Variants in RBFOX1 observed in about 807,000 individuals in gnomAD.
RBFOX1 encodes the protein RNA binding fox-1 homolog 1, also known as RNA binding protein fox-1 homolog 1.
A neutral mutation model predicts 57.7 loss-of-function variants in RBFOX1; 8 were observed. The observed-to-expected ratio is 0.14, with a 90% confidence interval of 0.08 to 0.25. The LOEUF (loss-of-function observed/expected upper bound fraction) is 0.25, where lower values mean the gene tolerates loss of function less well. Ranked by LOEUF, RBFOX1 falls within the 10% of genes least tolerant of loss-of-function variation. RBFOX1 has a pLI of 1.00. For missense variants in RBFOX1, 611 were observed against 548.5 expected, an observed-to-expected ratio of 1.11 and a Z score of -1.14; for synonymous variants, 326 against 222.4, an observed-to-expected ratio of 1.47 and a Z score of -4.15.
At chr16:6,767,299 A>G (rs567750515) in intron 3 of RBFOX1, among the ~76,000 whole-genome samples, 2 of 152,096 alleles carry the variant, frequency 1.3e-5, no homozygotes, top group South Asian at 4.2e-4. Flanking sequence ...AACACTTGTT[A>G]AAGCTGTTAG....
intron 3 of RBFOX1, among the ~76,000 whole-genome samples, chr16:6,780,042 TATTTAC>T (rs1354275375): frequency 2.6e-5 from 1 of 39,102 alleles, no homozygotes; most frequent in Non-Finnish European, 3.8e-5. Flanking sequence ...TATTTATATA[TATTTAC>T]ATATTTATAT....
intron 3 of RBFOX1, among the ~76,000 whole-genome samples, chr16:6,965,249 T>TA (rs2083867846): frequency 6.6e-6 from 1 of 152,208 alleles, no homozygotes; most frequent in Admixed American, 6.6e-5. Flanking sequence ...CATTTGGGTG[T>TA]AAAAAATGGA....
At chr16:7,047,879 A>G (rs899875628) in intron 3 of RBFOX1, among the ~76,000 whole-genome samples, 1 of 150,620 alleles carries the variant, frequency 6.6e-6, no homozygotes, top group Non-Finnish European at 1.5e-5. Context: ...TTCCGTTTTA[A>G]TTAATTAATT....
intron 2 of RBFOX1, among the ~76,000 whole-genome samples, chr16:6,519,468 A>G (rs1014299914): frequency 2.0e-5 from 3 of 152,138 alleles, no homozygotes; most frequent in Non-Finnish European, 4.4e-5. Context: ...TGGGAGGCCA[A>G]CTCAGGAAGA....
intron 3 of RBFOX1, among the ~76,000 whole-genome samples, chr16:5,684,136 C>G (rs1011204574): frequency 6.6e-6 from 1 of 152,144 alleles, no homozygotes; most frequent in Non-Finnish European, 1.5e-5. Context: ...GAGCTCTTGG[C>G]TCAAGCTAAG....
intron 3 of RBFOX1, among the ~76,000 whole-genome samples, chr16:6,783,436 G>A (rs866779863): frequency 9.6e-6 from 1 of 104,134 alleles, no homozygotes; most frequent in Non-Finnish European, 2.0e-5. Flanking sequence ...TTACCATGAA[G>A]CTTGCAAAAA....
chr16:6,220,990 A>T (rs989810095), intron 1 of RBFOX1, among the ~76,000 whole-genome samples: 1 of 151,720 alleles, frequency 6.6e-6, no homozygotes, highest in Non-Finnish European at 1.5e-5. Context: ...GTGTGTGTGT[A>T]GCTATATAAC....
intron 3 of RBFOX1, among the ~76,000 whole-genome samples, chr16:5,648,977 T>G (rs897497636): frequency 6.6e-6 from 1 of 151,720 alleles, no homozygotes; most frequent in Non-Finnish European, 1.5e-5. Flanking sequence ...AGCTTGAGAA[T>G]CACTTGAACC....
At chr16:6,588,836 G>T (rs766141155) in intron 2 of RBFOX1, among the ~76,000 whole-genome samples, 1 of 152,104 alleles carries the variant, frequency 6.6e-6, no homozygotes, top group South Asian at 2.1e-4. Flanking sequence ...AGGCCATGCT[G>T]TCTCACTGCC....
chr16:6,537,484 G>T (rs1332419183), intron 2 of RBFOX1, among the ~76,000 whole-genome samples: 1 of 152,182 alleles, frequency 6.6e-6, no homozygotes, highest in South Asian at 2.1e-4. Flanking sequence ...CCATGACAGA[G>T]TTGAGGGGCT....
At chr16:6,296,881 A>G (rs2344668) in intron 1 of RBFOX1, among the ~76,000 whole-genome samples, 144,978 of 152,232 alleles carry the variant, frequency 0.95, 69,465 homozygotes, top group East Asian at 1. Flanking sequence ...AGAATTCAGG[A>G]TGAGTCTGCA....
At chr16:6,324,338 T>C (rs1567938490) in intron 2 of RBFOX1, among the ~76,000 whole-genome samples, 1 of 152,166 alleles carries the variant, frequency 6.6e-6, no homozygotes, top group Non-Finnish European at 1.5e-5. Flanking sequence ...CACATTGCTA[T>C]AAAGAGATAC....
At chr16:5,387,013 T>C (rs2066277410) in intron 1 of RBFOX1, among the ~76,000 whole-genome samples, 1 of 152,184 alleles carries the variant, frequency 6.6e-6, no homozygotes, top group Non-Finnish European at 1.5e-5. Context: ...ATTGTGCCAT[T>C]GCACTCCAGC....
chr16:7,589,700 T>C (rs2094333332), intron 7 of RBFOX1, among the ~76,000 whole-genome samples: 1 of 152,082 alleles, frequency 6.6e-6, no homozygotes, highest in Non-Finnish European at 1.5e-5. Flanking sequence ...GACATTATCC[T>C]TTATGGGAAA....
intron 3 of RBFOX1, among the ~76,000 whole-genome samples, chr16:6,740,276 A>G (rs928036364): frequency 1.3e-5 from 2 of 152,298 alleles, no homozygotes; most frequent in African/African-American, 2.4e-5. Context: ...TCGATAAAGG[A>G]TATGTGCAAA....
At chr16:7,288,376 G>C (rs951246735) in intron 4 of RBFOX1, among the ~76,000 whole-genome samples, 1 of 152,204 alleles carries the variant, frequency 6.6e-6, no homozygotes, top group Admixed American at 6.5e-5. Flanking sequence ...GCCTCAGGGT[G>C]TACATTTAAA....
chr16:5,781,570 C>T (rs928445941), intron 3 of RBFOX1, among the ~76,000 whole-genome samples: 1 of 152,212 alleles, frequency 6.6e-6, no homozygotes, highest in Non-Finnish European at 1.5e-5. Flanking sequence ...TTTTGGGCTT[C>T]ATTGGCCATA....
At chr16:7,092,183 G>A (rs1318758480) in intron 4 of RBFOX1, among the ~76,000 whole-genome samples, 2 of 152,258 alleles carry the variant, frequency 1.3e-5, no homozygotes, top group Non-Finnish European at 2.9e-5. Context: ...TGATTACAAA[G>A]TTACAAGGTA....
In RBFOX1 at chr16:7,160,368, C is replaced by G. The variant is rs529247433; in HGVS notation, c.27+108270C>G. On this transcript the variant is annotated intron_variant, in intron 4 of 15. Coordinates refer to ENST00000550418, the MANE Select transcript of RBFOX1 (RefSeq NM_018723.4). ...TGAAAAAGTAAACGAATAAACCAGACTTTGTTTCTTCTTCTCTTCTGTACT... is the reference window on the plus strand; with the variant it reads ...TGAAAAAGTAAACGAATAAACCAGAGTTTGTTTCTTCTTCTCTTCTGTACT... 2.6e-5 allele frequency among the ~76,000 whole-genome samples: 4 copies of G among 152,262 alleles called. No homozygotes were observed. In the South Asian group the frequency reaches 6.2e-4, roughly 24 times the overall value.
Sources: gnomAD v4.1 joint callset for allele counts (sites outside exome capture counted in the v4.1 genomes callset) on GRCh38, gnomAD v4.1.1 for gene constraint, MANE v1.5 for transcripts, NCBI Gene and HGNC (gene_info 2026-07-23, HGNC 2026-07-21) for gene names.